The following ATP8B4 variants were observed in gnomAD, a reference collection of about 807,000 sequenced individuals.
ATP8B4 encodes ATPase phospholipid transporting 8B4 (putative).
In ATP8B4, 133 loss-of-function variants were observed where a neutral mutation model predicts 145.6. The observed-to-expected ratio is 0.91, with a 90% CI of 0.79 to 1.05. The LOEUF (loss-of-function observed/expected upper bound fraction) is 1.05. Ranked by LOEUF, ATP8B4 falls within the 50% of genes least tolerant of loss-of-function variation. The pLI, the probability that ATP8B4 is intolerant of heterozygous loss-of-function variation, is 0.00. For missense variants in ATP8B4, 1,458 were observed against 1,425.2 expected, an observed-to-expected ratio of 1.02 and a Z score of -0.37; for synonymous variants, 507 against 492.9, an observed-to-expected ratio of 1.03 and a Z score of -0.38.
At chr15:49,970,944 C>G (rs953738549) in intron 13 of ATP8B4, among the ~76,000 whole-genome samples, 16 of 152,148 alleles carry the variant, frequency 1.1e-4, no homozygotes, top group African/African-American at 3.9e-4. Context: ...CTGAACAGAA[C>G]AGAGGCCTCA....
intron 5 of ATP8B4, among the ~76,000 whole-genome samples, chr15:50,039,195 A>G (rs2051078088): frequency 6.6e-6 from 1 of 152,190 alleles, no homozygotes; most frequent in African/African-American, 2.4e-5. Context: ...TTTCTCTCCC[A>G]TGTGTACTGA....
intron 3 of ATP8B4, among the ~76,000 whole-genome samples, chr15:50,068,952 A>G (rs1323448337): frequency 6.6e-6 from 1 of 152,204 alleles, no homozygotes; most frequent in East Asian, 1.9e-4. Flanking sequence ...CACTTCTACC[A>G]TTCACTCTGA....
chr15:49,950,617 A>AC (rs1332088582), intron 14 of ATP8B4, among the ~76,000 whole-genome samples: 3 of 69,876 alleles, frequency 4.3e-5, no homozygotes, highest in Non-Finnish European at 6.8e-5. Flanking sequence ...CAAACAAACA[A>AC]ACAAAAAAAA....
chr15:49,928,365 T>C (rs2040922802), intron 16 of ATP8B4, among the ~76,000 whole-genome samples: 3 of 152,060 alleles, frequency 2.0e-5, no homozygotes, highest in Admixed American at 6.5e-5. Flanking sequence ...GAAAGGAGTA[T>C]TCAAGACAGG....
At chr15:50,157,981 T>G (rs1221041849) in intron 1 of ATP8B4, among the ~76,000 whole-genome samples, 4 of 152,198 alleles carry the variant, frequency 2.6e-5, no homozygotes, top group Admixed American at 2.6e-4. Context: ...GGTCTCCAGC[T>G]CCTAACCGCA....
chr15:50,158,136 C>A (rs1424573051), intron 1 of ATP8B4, among the ~76,000 whole-genome samples: 2 of 152,230 alleles, frequency 1.3e-5, no homozygotes, highest in African/African-American at 4.8e-5. Flanking sequence ...CTGCCTTGGC[C>A]TCCCAAAGTG....
At chr15:50,109,971 A>G (rs2056861225) in intron 1 of ATP8B4, among the ~76,000 whole-genome samples, 1 of 152,166 alleles carries the variant, frequency 6.6e-6, no homozygotes. Flanking sequence ...TCTTCCTAAA[A>G]TTACTTTTAA....
At chr15:50,097,434 C>T (rs549195038) in intron 2 of ATP8B4, among the ~76,000 whole-genome samples, 1 of 152,282 alleles carries the variant, frequency 6.6e-6, no homozygotes, top group South Asian at 2.1e-4. Context: ...ATTGAACCTC[C>T]ATGACCCCTA....
intron 7 of ATP8B4, among the ~76,000 whole-genome samples, chr15:50,007,361 C>A (rs1338246659): frequency 1.3e-5 from 2 of 152,170 alleles, no homozygotes; most frequent in African/African-American, 4.8e-5. Flanking sequence ...GATGACTGTT[C>A]CAATGGAGTA....
At chr15:49,896,373 A>T (rs549869294) in intron 23 of ATP8B4, 8 of 152,332 alleles carry the variant, frequency 5.3e-5, no homozygotes, top group African/African-American at 1.9e-4. Flanking sequence ...GAATTCACTA[A>T]TCTCCCTTAG....
intron 12 of ATP8B4, among the ~76,000 whole-genome samples, chr15:49,975,153 A>C (rs1430075956): frequency 6.6e-6 from 1 of 152,192 alleles, no homozygotes. Context: ...TTAAACTCTT[A>C]ATTATTTGAA....
chr15:50,002,060 GAA>G lies in ATP8B4; in HGVS notation c.506+91_506+92del. ...CAATGTAAACTCCTATGTCTCCCAA[GAA>G]GATACTGAACAAGGTTAAGTCTTAT... On this transcript the variant is annotated intron_variant, in intron 8 of 27. Coordinates refer to ENST00000284509, the MANE Select transcript of ATP8B4 (RefSeq NM_024837.4). 3.8e-6 allele frequency: 4 copies of G among 1,045,916 alleles called. No homozygotes were observed. In the South Asian group the frequency reaches 5.9e-5, roughly 15 times the overall value. 64.8% of individuals were successfully genotyped at this position (1,045,916 alleles called of 1,614,324 possible).
chr15:50,074,164 G>C lies in ATP8B4; in HGVS notation c.50C>G (p.Ala17Gly). 6.2e-7 allele frequency: 1 copy of C among 1,612,670 alleles called. No individual in the cohort carries two copies. ...KLREVERIVK[A>G]NDREYNEKFQ... ...CTTTTCATTATATTCACGGTCATTG[G>C]CTTTCACTATCCGTTCCACTTCTAA... The change falls in exon 3 of 28, where the codon GCC becomes GGC. Residue 17 changes from alanine (A) to glycine (G), a missense_variant. Ala to Gly is a moderately conservative substitution (Grantham distance 60). Coordinates refer to ENST00000284509, the MANE Select transcript of ATP8B4 (RefSeq NM_024837.4).
intron 10 of ATP8B4, among the ~76,000 whole-genome samples, chr15:49,986,987 G>A (rs991834906): frequency 5.9e-5 from 9 of 151,926 alleles, no homozygotes; most frequent in African/African-American, 2.2e-4. Context: ...CAAATGGTCT[G>A]CTTGACCTTT....
At chr15:50,063,374 A>G (rs2053163752) in intron 3 of ATP8B4, among the ~76,000 whole-genome samples, 1 of 152,020 alleles carries the variant, frequency 6.6e-6, no homozygotes, top group South Asian at 2.1e-4. Context: ...AAAAAAAAAA[A>G]TGCCTGGACT....
At chr15:49,959,973 C>T (rs2043919571) in intron 14 of ATP8B4, among the ~76,000 whole-genome samples, 1 of 150,696 alleles carries the variant, frequency 6.6e-6, no homozygotes, top group Non-Finnish European at 1.5e-5. Flanking sequence ...AAAAAGAGCA[C>T]TGAAAAACAA....
chr15:50,061,872 A>G (rs988987586), intron 3 of ATP8B4, among the ~76,000 whole-genome samples: 2 of 152,216 alleles, frequency 1.3e-5, no homozygotes. Flanking sequence ...CAACTTTAAG[A>G]AAAGAAATGC....
At chr15:50,153,474 A>G (rs1243177637) in intron 1 of ATP8B4, among the ~76,000 whole-genome samples, 1 of 151,886 alleles carries the variant, frequency 6.6e-6, no homozygotes, top group Non-Finnish European at 1.5e-5. Context: ...GAGTAGCGGG[A>G]ACTACAGGCG....
At chr15:50,108,228 G>A (rs2056777848) in intron 1 of ATP8B4, among the ~76,000 whole-genome samples, 1 of 151,996 alleles carries the variant, frequency 6.6e-6, no homozygotes. Context: ...CCCAGCCCCA[G>A]GCAGTGGGTT....
Sources: gnomAD v4.1 joint callset for allele counts (sites outside exome capture counted in the v4.1 genomes callset) on GRCh38, gnomAD v4.1.1 for gene constraint, MANE v1.5 for transcripts, NCBI Gene and HGNC (gene_info 2026-07-23, HGNC 2026-07-21) for gene names.